TMEM217B: variants seen among roughly 807,000 people sequenced by gnomAD.
TMEM217B encodes the protein transmembrane protein 217B.
chr6:37,242,844 T>G, the TMEM217B span, among the ~76,000 whole-genome samples: 1 of 152,202 alleles, frequency 6.6e-6, no homozygotes, highest in African/African-American at 2.4e-5. Context: ...CCCCAGTGAC[T>G]CACACCAGTA....
At chr6:37,214,139 A>G in the TMEM217B span, among the ~76,000 whole-genome samples, 16 of 152,218 alleles carry the variant, frequency 1.1e-4, no homozygotes, top group Non-Finnish European at 2.4e-4. Context: ...TCACCACTTT[A>G]GCCCTTTTTG....
At chr6:37,232,623 T>C in the TMEM217B span, among the ~76,000 whole-genome samples, 116,654 of 152,160 alleles carry the variant, frequency 0.77, 45,094 homozygotes, top group East Asian at 0.9. Context: ...CTGCAACAGC[T>C]AGTCCAAGCC....
At chr6:37,249,614 C>G in the TMEM217B span, among the ~76,000 whole-genome samples, 1 of 152,208 alleles carries the variant, frequency 6.6e-6, no homozygotes, top group African/African-American at 2.4e-5. Context: ...AGCCACCGCA[C>G]CCAGTGGAAG....
At chr6:37,230,828 G>A in the TMEM217B span, among the ~76,000 whole-genome samples, 2 of 152,038 alleles carry the variant, frequency 1.3e-5, no homozygotes, top group African/African-American at 2.4e-5. Flanking sequence ...TGGGTAAATT[G>A]CCTCTCTACC....
chr6:37,229,123 AT>A, the TMEM217B span, among the ~76,000 whole-genome samples: 3 of 152,040 alleles, frequency 2.0e-5, no homozygotes, highest in Non-Finnish European at 4.4e-5. Context: ...AATTGTGTGT[AT>A]TTATTTCCTC....
At chr6:37,224,570 G>A in the TMEM217B span, among the ~76,000 whole-genome samples, 1 of 151,310 alleles carries the variant, frequency 6.6e-6, no homozygotes, top group Non-Finnish European at 1.5e-5. Context: ...TGCACTCCAG[G>A]CTGGGTGACA....
chr6:37,254,603 C>G, the TMEM217B span, among the ~76,000 whole-genome samples: 7 of 152,202 alleles, frequency 4.6e-5, no homozygotes, highest in African/African-American at 1.2e-4. Flanking sequence ...AACACTGTTT[C>G]TATCATCTTT....
chr6:37,218,204 C>A, the TMEM217B span: 1 of 1,253,654 alleles, frequency 8.0e-7, no homozygotes, highest in Non-Finnish European at 1.0e-6. Context: ...GAGTCTTACT[C>A]TGTCACTCAG....
chr6:37,212,867 C>T, the TMEM217B span: 2 of 1,447,622 alleles, frequency 1.4e-6, no homozygotes, highest in African/African-American at 1.4e-5. Flanking sequence ...AACTTGGCCT[C>T]ATAGCAAATG....
the TMEM217B span, among the ~76,000 whole-genome samples, chr6:37,219,976 A>C: frequency 6.6e-6 from 1 of 152,222 alleles, no homozygotes; most frequent in South Asian, 2.1e-4. Flanking sequence ...CATACTTTAA[A>C]GGAAATTTAG....
the TMEM217B span, chr6:37,218,060 G>GT: frequency 1.3e-4 from 132 of 1,003,798 alleles, no homozygotes; most frequent in Non-Finnish European, 1.5e-4. Flanking sequence ...CTAAGCAAAA[G>GT]TGGGGGGAAA....
At chr6:37,253,613 A>G in the TMEM217B span, among the ~76,000 whole-genome samples, 1 of 152,178 alleles carries the variant, frequency 6.6e-6, no homozygotes, top group African/African-American at 2.4e-5. Flanking sequence ...AACATTGCAC[A>G]GTGCATTGTG....
At chr6:37,218,826 G>A in the TMEM217B span, 1 of 1,614,184 alleles carries the variant, frequency 6.2e-7, no homozygotes, top group Non-Finnish European at 8.5e-7. Flanking sequence ...GACAGGAAGA[G>A]GACGATTTTA....
chr6:37,256,755 G>T, the TMEM217B span, among the ~76,000 whole-genome samples: 1 of 134,804 alleles, frequency 7.4e-6, no homozygotes, highest in Admixed American at 7.5e-5. Context: ...TGGGGGTGGG[G>T]GTGGGGGACA....
At chr6:37,232,890 A>G in the TMEM217B span, among the ~76,000 whole-genome samples, 1 of 152,116 alleles carries the variant, frequency 6.6e-6, no homozygotes, top group African/African-American at 2.4e-5. Context: ...CTCCTTTATT[A>G]GCTTCCTTCT....
the TMEM217B span, among the ~76,000 whole-genome samples, chr6:37,254,522 T>C: frequency 6.6e-6 from 1 of 152,174 alleles, no homozygotes; most frequent in Non-Finnish European, 1.5e-5. Flanking sequence ...AGAAGACTGT[T>C]CTTCAACCAA....
At chr6:37,257,939 C>T in the TMEM217B span, 1 of 1,614,072 alleles carries the variant, frequency 6.2e-7, no homozygotes, top group Non-Finnish European at 8.5e-7. Flanking sequence ...GAACAGCAAG[C>T]AGTTTTGGAA....
the TMEM217B span, chr6:37,218,024 C>T: frequency 4.4e-5 from 44 of 992,904 alleles, no homozygotes; most frequent in Non-Finnish European, 5.1e-5. Context: ...GAAAGAGTGG[C>T]AGTAGGGTCT....
the TMEM217B span, among the ~76,000 whole-genome samples, chr6:37,228,749 G>A: frequency 1.2e-4 from 18 of 151,824 alleles, no homozygotes; most frequent in African/African-American, 4.4e-4. Flanking sequence ...TATAATCCCA[G>A]CACTTTGGGA....
Sources: gnomAD v4.1 joint callset for allele counts (sites outside exome capture counted in the v4.1 genomes callset) on GRCh38, gnomAD v4.1.1 for gene constraint, MANE v1.5 for transcripts, NCBI Gene and HGNC (gene_info 2026-07-23, HGNC 2026-07-21) for gene names.